The following SGF29 variants were observed in gnomAD, a reference collection of about 807,000 sequenced individuals.
The protein encoded by SGF29 is SAGA complex associated factor 29, also known as SAGA-associated factor 29.
Under a neutral mutation model 38.1 loss-of-function variants are expected in SGF29, and 15 were observed. The observed-to-expected ratio is 0.39, with a 90% confidence interval of 0.26 to 0.61. The LOEUF is 0.61. SGF29 is among the 20% of genes least tolerant of loss of function. The probability of loss-of-function intolerance (pLI) is 0.49; values close to 1 mark genes in which losing one functional copy is unlikely to be tolerated. For missense variants in SGF29, 184 were observed against 394.6 expected (o/e 0.47, Z 4.52); for synonymous variants, 151 against 160.8 (o/e 0.94, Z 0.46).
In SGF29 at chr16:28,585,562, C is replaced by T. The variant is rs1424220339; in HGVS notation, c.152-86C>T. ...CAGCTACGGCCTCTCTGTGCCTCCA[C>T]GAGTGTGATTCCGGTGCATGGAAGC... is the stretch of plus-strand genomic sequence containing the variant. On this transcript the variant is annotated intron_variant, in intron 3 of 9. Coordinates refer to ENST00000317058, the MANE Select transcript of SGF29 (RefSeq NM_138414.3). 29 of 1,225,094 alleles carry T rather than the reference C, an allele frequency of 2.4e-5. No individual in the cohort carries two copies. In the East Asian group the frequency reaches 2.6e-4, roughly 11 times the overall value. 75.9% of individuals were successfully genotyped at this position (1,225,094 alleles called of 1,614,324 possible).
Position 28,590,709 on chromosome 16 carries a change from C to T in SGF29, c.602+43C>T. ...GGCAGGGCATGGAGCCTGGGGGCAG[C>T]CTAACAGCTGAGAAGGAGCATCCCC... is the stretch of plus-strand genomic sequence containing the variant. On this transcript the variant is annotated intron_variant, in intron 8 of 9. Transcript: ENST00000317058. The surrounding 1 kb of genome is among the most constrained non-coding windows in gnomAD (Gnocchi z 8.2). The T allele has an allele frequency of 6.2e-7, 1 of 1,614,076 alleles. No individual in the cohort carries two copies. Among genetic ancestry groups the T allele is most frequent in the Non-Finnish European group, 8.5e-7 (1 of 1,179,980 alleles).
rs766604062 is a variant in SGF29, at chr16:28,591,640, C to G, written c.816C>G (p.Gly272=). ...VLFEDTSYAD[G]YSPPLNVAQR... Reference sequence around the variant, plus strand: ...TTGAAGACACCTCCTATGCAGATGGCTATTCCCCTCCCCTCAATGTGGCTC... The same window carrying G: ...TTGAAGACACCTCCTATGCAGATGGGTATTCCCCTCCCCTCAATGTGGCTC... The change falls in exon 10 of 10, where the codon GGC becomes GGG. Residue 272 remains glycine (G), a synonymous_variant. Transcript: ENST00000317058. 11 of 1,614,132 alleles carry G rather than the reference C, an allele frequency of 6.8e-6. No homozygotes were observed. The East Asian group carries it at 2.2e-4, about 33-fold the overall frequency.
chr16:28,578,596 C>T (rs561682152), intron 1 of SGF29, among the ~76,000 whole-genome samples: 8 of 150,812 alleles, frequency 5.3e-5, no homozygotes, highest in Admixed American at 3.3e-4. Flanking sequence ...GCGAGAGGTT[C>T]GCAGTTGATT....
intron 9 of SGF29, 124 bp downstream of exon 9, chr16:28,591,059 C>A: frequency 8.3e-7 from 1 of 1,204,166 alleles, no homozygotes; most frequent in Non-Finnish European, 1.1e-6. Flanking sequence ...CTGACAGGAC[C>A]CACCAGCTGC....
intron 1 of SGF29, among the ~76,000 whole-genome samples, chr16:28,570,512 C>T (rs2046858368): frequency 6.6e-6 from 1 of 151,604 alleles, no homozygotes. Context: ...TGAGTCTCAC[C>T]CATACCTGAT....
chr16:28,554,861 C>G (rs983625589), intron 1 of SGF29, among the ~76,000 whole-genome samples: 5 of 152,228 alleles, frequency 3.3e-5, no homozygotes, highest in African/African-American at 9.6e-5. Context: ...GGTCTCAGTC[C>G]TGTTCAGCAT....
In SGF29 at chr16:28,591,751, C is replaced by T. The variant is rs758044071; in HGVS notation, c.*45C>T. On this transcript the variant is annotated 3_prime_UTR_variant, in exon 10 of 10. Transcript: ENST00000317058. ...CATCCCCCAACGACACAGGGCAGGA[C>T]AGCAGAGGACGTGCTGGGATTAAAC... The T allele has an allele frequency of 2.1e-6, 3 of 1,463,344 alleles. No homozygotes were observed. Among genetic ancestry groups the T allele is most frequent in the Admixed American group, 3.4e-5 (2 of 59,058 alleles). 90.6% of individuals were successfully genotyped at this position (1,463,344 alleles called of 1,614,324 possible).
intron 1 of SGF29, among the ~76,000 whole-genome samples, chr16:28,558,050 TC>T (rs1323795317): frequency 7.3e-6 from 1 of 137,418 alleles, no homozygotes; most frequent in African/African-American, 2.7e-5. Flanking sequence ...CCTCAAGAGA[TC>T]CTCCTGCCTC....
Position 28,565,752 on chromosome 16 carries a change from G to A in SGF29, c.-16+11655G>A, listed in dbSNP as rs565883486. Among the ~76,000 whole-genome samples, 824 of 151,944 alleles carry A rather than the reference G, an allele frequency of 5.4e-3. 7 individuals are homozygous for A. The highest frequency in any genetic ancestry group is 7.4e-3 in the Non-Finnish European group (505 of 67,934). On this transcript the variant is annotated intron_variant, in intron 1 of 9. Coordinates refer to ENST00000317058, the MANE Select transcript of SGF29 (RefSeq NM_138414.3). ...TCCACCCGCCTCGGCCTCCCAAAGT[G>A]CTGGGATTACAGACGTGAGCCACCA...
intron 1 of SGF29, among the ~76,000 whole-genome samples, chr16:28,564,764 T>TAC (rs1491484560): frequency 0.17 from 10,344 of 60,988 alleles, 1,603 homozygotes; most frequent in Non-Finnish European, 0.25. Flanking sequence ...TGTATATATG[T>TAC]ATATATATGT....
intron 3 of SGF29, 58 bp from the exon 4 acceptor site, chr16:28,585,590 T>C: frequency 7.1e-7 from 1 of 1,407,124 alleles, no homozygotes. Context: ...ATGGAAGCAG[T>C]GCCATGCTAC....
intron 4 of SGF29, chr16:28,588,697 T>A (rs372069070): frequency 8.3e-5 from 33 of 396,704 alleles, no homozygotes; most frequent in African/African-American, 6.6e-4. Context: ...CCCAAGTAGG[T>A]GGGATTACAG....
In SGF29 at chr16:28,590,733, C is replaced by A. The variant is rs1313310024; in HGVS notation, c.603-40C>A. ...GCCTAACAGCTGAGAAGGAGCATCC[C>A]CACCCGGCCACAGGTTGATATAAGC... is the stretch of plus-strand genomic sequence containing the variant. On this transcript the variant is annotated intron_variant, in intron 8 of 9. Coordinates refer to ENST00000317058, the MANE Select transcript of SGF29 (RefSeq NM_138414.3). The surrounding 1 kb of genome is among the most constrained non-coding windows in gnomAD (Gnocchi z 8.2). 1.2e-6 allele frequency: 2 copies of A among 1,613,912 alleles called. No homozygotes were observed. Among genetic ancestry groups the A allele is most frequent in the African/African-American group, 2.7e-5 (2 of 74,914 alleles).
rs1335324533 is a variant in SGF29 at position 28,553,953 on chromosome 16, A to C, written c.-160A>C. ...CGCGACTACGCTCATAAAAGGAAAA[A>C]AAAGCGTGTGCGGTTCTCGACGTGC... On this transcript the variant is annotated 5_prime_UTR_variant, in exon 1 of 10. Coordinates refer to ENST00000317058, the MANE Select transcript of SGF29 (RefSeq NM_138414.3). 3 of 152,228 alleles carry C rather than the reference A, an allele frequency of 2.0e-5. No individual in the cohort carries two copies. Among genetic ancestry groups the C allele is most frequent in the Non-Finnish European group, 4.4e-5 (3 of 68,032 alleles). 9.4% of individuals were successfully genotyped at this position (152,228 alleles called of 1,614,324 possible).
intron 1 of SGF29, among the ~76,000 whole-genome samples, chr16:28,556,317 G>C (rs1314192819): frequency 6.6e-6 from 1 of 152,056 alleles, no homozygotes; most frequent in Non-Finnish European, 1.5e-5. Flanking sequence ...TTACAAGCAT[G>C]CACCACCATG....
intron 1 of SGF29, among the ~76,000 whole-genome samples, chr16:28,579,282 G>T (rs1339472428): frequency 7.4e-6 from 1 of 135,506 alleles, no homozygotes. Context: ...TTTTTGAGAC[G>T]GAGTCTCACT....
At chr16:28,582,953 A>C (rs1331959087) in intron 2 of SGF29, among the ~76,000 whole-genome samples, 2 of 152,116 alleles carry the variant, frequency 1.3e-5, no homozygotes, top group Non-Finnish European at 2.9e-5. Context: ...TAAATAAAGG[A>C]AAAAAAAGAT....
At chr16:28,588,975 T>G in intron 4 of SGF29, 125 bp from the exon 5 acceptor site, 2 of 961,784 alleles carry the variant, frequency 2.1e-6, no homozygotes. Context: ...GAGGCTACTG[T>G]GAGAACCTCT....
rs189763918 is a variant in SGF29, at chr16:28,563,781, C to A, written c.-16+9684C>A. On this transcript the variant is annotated intron_variant, in intron 1 of 9. Coordinates refer to ENST00000317058, the MANE Select transcript of SGF29 (RefSeq NM_138414.3). ...TGTCACCCAGGCTGGAGTGCAGTGG[C>A]GTAATCTCGGCTCACTGCAACCTCC... Among the ~76,000 whole-genome samples, 497 of 129,454 alleles carry A rather than the reference C, an allele frequency of 3.8e-3. 3 individuals are homozygous for A. The highest frequency in any genetic ancestry group is 6.0e-3 in the Non-Finnish European group (391 of 64,648). 84.9% of individuals were successfully genotyped at this position (129,454 alleles called of 152,430 possible). A position where few individuals can be genotyped will look rare whatever the true frequency, so the allele number is the denominator to read the frequency against.
Sources: gnomAD v4.1 joint callset for allele counts (sites outside exome capture counted in the v4.1 genomes callset) on GRCh38, gnomAD v4.1.1 for gene constraint, Gnocchi (gnomAD v3.1) non-coding constraint, MANE v1.5 for transcripts, NCBI Gene and HGNC (gene_info 2026-07-23, HGNC 2026-07-21) for gene names.